GAS2: variants seen among roughly 807,000 people sequenced by gnomAD.
GAS2 encodes growth arrest specific 2.
GAS2 carries 20 observed loss-of-function variants against 37.5 expected under a neutral mutation model. That is an observed-to-expected ratio of 0.53 (90% confidence interval 0.37 to 0.77). The LOEUF is 0.77. GAS2 is among the 30% of genes least tolerant of loss of function. GAS2 has a pLI of 0.00. For synonymous variants in GAS2, 144 were observed against 132.2 expected (o/e 1.09, Z -0.61); for missense variants, 336 against 373.4 (o/e 0.90, Z 0.82).
chr11:22,705,269 A>G (rs1851056712), intron 3 of GAS2, among the ~76,000 whole-genome samples: 1 of 152,132 alleles, frequency 6.6e-6, no homozygotes, highest in Admixed American at 6.6e-5. Flanking sequence ...CCCATCCACC[A>G]CAGGGCCTTC....
At chr11:22,735,505 T>C (rs938208449) in intron 4 of GAS2, among the ~76,000 whole-genome samples, 2 of 151,800 alleles carry the variant, frequency 1.3e-5, no homozygotes, top group African/African-American at 4.8e-5. Flanking sequence ...TTCTTCTCAG[T>C]TTGCCAAATT....
chr11:22,762,953 C>A (rs1030924317), intron 7 of GAS2, among the ~76,000 whole-genome samples: 1 of 152,042 alleles, frequency 6.6e-6, no homozygotes. Flanking sequence ...GGTATTACGT[C>A]AAGACATTTT....
At chr11:22,746,503 T>C (rs1006890383) in intron 5 of GAS2, among the ~76,000 whole-genome samples, 1 of 152,098 alleles carries the variant, frequency 6.6e-6, no homozygotes, top group Admixed American at 6.6e-5. Flanking sequence ...ATGTAAGACA[T>C]AGAATACTAT....
chr11:22,675,086 T>C, intron 2 of GAS2, 72 bp downstream of exon 2: 2 of 1,456,184 alleles, frequency 1.4e-6, no homozygotes, highest in Non-Finnish European at 1.9e-6. Flanking sequence ...TGTAGTGTCC[T>C]TCACCTAAGC....
chr11:22,657,898 A>G (rs1286789114), intron 1 of GAS2, among the ~76,000 whole-genome samples: 1 of 152,250 alleles, frequency 6.6e-6, no homozygotes, highest in Non-Finnish European at 1.5e-5. Flanking sequence ...TTATGCAACA[A>G]CTGGTAAACA....
chr11:22,716,729 A>T (rs1324545310), intron 3 of GAS2, among the ~76,000 whole-genome samples: 1 of 152,146 alleles, frequency 6.6e-6, no homozygotes, highest in Non-Finnish European at 1.5e-5. Flanking sequence ...TGATGATATG[A>T]TGATATACCT....
At chr11:22,793,351 A>G (rs1411081322) in intron 7 of GAS2, among the ~76,000 whole-genome samples, 2 of 152,166 alleles carry the variant, frequency 1.3e-5, no homozygotes, top group African/African-American at 4.8e-5. Context: ...ATGTATAGAT[A>G]ATGAAATTGG....
At chr11:22,790,163 G>T (rs553658451) in intron 7 of GAS2, among the ~76,000 whole-genome samples, 3 of 151,868 alleles carry the variant, frequency 2.0e-5, no homozygotes, top group South Asian at 2.1e-4. Flanking sequence ...GCAAAAATCT[G>T]GTGGGAAATT....
intron 1 of GAS2, chr11:22,668,196 G>C (rs907573645): frequency 7.2e-5 from 11 of 152,088 alleles, no homozygotes; most frequent in Non-Finnish European, 1.6e-4. Flanking sequence ...CTGCAGCTGG[G>C]GTCTGATTTG....
intron 6 of GAS2, among the ~76,000 whole-genome samples, chr11:22,753,263 A>G (rs984758609): frequency 1.3e-5 from 2 of 152,156 alleles, no homozygotes; most frequent in East Asian, 1.9e-4. Context: ...ACTTAACAAT[A>G]TATTTCCACT....
At chr11:22,706,917 T>C (rs1188047106) in intron 3 of GAS2, among the ~76,000 whole-genome samples, 1 of 151,984 alleles carries the variant, frequency 6.6e-6, no homozygotes, top group Non-Finnish European at 1.5e-5. Context: ...CACACTGACT[T>C]CCACAATGGT....
intron 1 of GAS2, 41 bp downstream of exon 1, chr11:22,666,940 C>T (rs920486794): frequency 1.3e-5 from 2 of 152,226 alleles, no homozygotes; most frequent in Admixed American, 6.5e-5. Flanking sequence ...CCAACGCCGC[C>T]GCAGCGTGCG....
At chr11:22,639,508 T>C (rs1346784543) in intron 1 of GAS2, among the ~76,000 whole-genome samples, 1 of 152,170 alleles carries the variant, frequency 6.6e-6, no homozygotes, top group Non-Finnish European at 1.5e-5. Flanking sequence ...ATCTTAGTGG[T>C]ATTTACTTGT....
intron 7 of GAS2, among the ~76,000 whole-genome samples, chr11:22,776,131 A>G (rs555459927): frequency 3.3e-5 from 5 of 152,294 alleles, no homozygotes; most frequent in African/African-American, 9.6e-5. Context: ...AGTACCTACT[A>G]TGTGCCTGGA....
chr11:22,712,434 G>C lies in GAS2; in HGVS notation c.268-13858G>C, dbSNP rs370648604. 7.2e-5 allele frequency among the ~76,000 whole-genome samples: 11 copies of C among 152,286 alleles called. No homozygotes were observed. In the East Asian group the frequency reaches 1.2e-3, roughly 16 times the overall value. On this transcript the variant is annotated intron_variant, in intron 3 of 7. Coordinates refer to ENST00000454584, the MANE Select transcript of GAS2 (RefSeq NM_001143830.3). The stretch of plus-strand genomic sequence containing the variant: ...GCCCAGTTGCCCCACTGGGTGGCTA[G>C]ATCCAGAAGGGTAATAACAGTCACA...
At chr11:22,697,629 G>A (rs1220076502) in intron 3 of GAS2, among the ~76,000 whole-genome samples, 5 of 152,062 alleles carry the variant, frequency 3.3e-5, no homozygotes, top group Admixed American at 6.6e-5. Flanking sequence ...TTGAGCAGTG[G>A]TTTGTAGTTC....
chr11:22,774,901 C>T (rs141715378), intron 7 of GAS2, among the ~76,000 whole-genome samples: 10 of 151,152 alleles, frequency 6.6e-5, no homozygotes, highest in African/African-American at 2.4e-4. Flanking sequence ...AGTGTTTCAA[C>T]CAGAATCAGA....
chr11:22,671,227 A>G (rs1849188009), intron 1 of GAS2, among the ~76,000 whole-genome samples: 2 of 152,138 alleles, frequency 1.3e-5, no homozygotes, highest in Admixed American at 1.3e-4. Context: ...AAAAATATAT[A>G]CACACACAGT....
At chr11:22,642,682 T>G (rs1003250306) in intron 1 of GAS2, among the ~76,000 whole-genome samples, 1 of 152,142 alleles carries the variant, frequency 6.6e-6, no homozygotes, top group African/African-American at 2.4e-5. Flanking sequence ...GTCAGTATCT[T>G]GTAATTATGT....
Sources: allele counts gnomAD v4.1 joint callset (sites outside exome capture counted in the v4.1 genomes callset), GRCh38; gene constraint gnomAD v4.1.1; transcripts MANE v1.5; gene names NCBI Gene and HGNC (gene_info 2026-07-23, HGNC 2026-07-21).